Variants in SYN2 observed in about 807,000 individuals in gnomAD.
SYN2 encodes synapsin II, also known as synapsin-2.
A neutral mutation model predicts 50.9 loss-of-function variants in SYN2; 19 were observed. The observed-to-expected ratio is 0.37, with a 90% CI of 0.26 to 0.55. The LOEUF is 0.55. SYN2 is among the 20% of genes least tolerant of loss of function. SYN2 has a pLI of 0.81. For missense variants in SYN2, 587 were observed against 576.4 expected (o/e 1.02, Z -0.19); for synonymous variants, 255 against 224.9 (o/e 1.13, Z -1.20).
intron 1 of SYN2, among the ~76,000 whole-genome samples, chr3:12,085,529 T>C (rs1695683973): frequency 6.6e-6 from 1 of 151,912 alleles, no homozygotes; most frequent in African/African-American, 2.4e-5. Context: ...AGACAGAAAA[T>C]CAGTAAGGAA....
intron 11 of SYN2, among the ~76,000 whole-genome samples, chr3:12,186,581 A>C (rs962813523): frequency 6.6e-6 from 1 of 152,152 alleles, no homozygotes; most frequent in Admixed American, 6.5e-5. Context: ...GAACCCCTTG[A>C]GGATATTACT....
intron 1 of SYN2, among the ~76,000 whole-genome samples, chr3:12,024,691 G>C (rs1694217368): frequency 6.6e-6 from 1 of 152,130 alleles, no homozygotes; most frequent in Non-Finnish European, 1.5e-5. Context: ...CTGCTATAAT[G>C]GATACTTAAG....
At chr3:12,044,181 T>TCTCTCTCTCACACACACA (rs573246278) in intron 1 of SYN2, among the ~76,000 whole-genome samples, 56 of 53,386 alleles carry the variant, frequency 1.0e-3, no homozygotes, top group Middle Eastern at 0.015. Context: ...TCTCTCTCTC[T>TCTCTCTCTCACACACACA]CACACACACA....
chr3:12,113,671 C>G (rs1007324315), intron 1 of SYN2, among the ~76,000 whole-genome samples: 1 of 152,104 alleles, frequency 6.6e-6, no homozygotes, highest in Non-Finnish European at 1.5e-5. Context: ...TTAACTTATT[C>G]TAATATTTAA....
chr3:12,007,473 C>T (rs1231012254), intron 1 of SYN2, among the ~76,000 whole-genome samples: 1 of 152,080 alleles, frequency 6.6e-6, no homozygotes, highest in South Asian at 2.1e-4. Flanking sequence ...GGAGCAGGTG[C>T]TTGCCGTGAC....
intron 1 of SYN2, chr3:12,071,249 C>CT (rs1277077590): frequency 1.4e-5 from 8 of 555,380 alleles, no homozygotes; most frequent in Non-Finnish European, 2.9e-5. Context: ...CGCAAGTACT[C>CT]TGTGTGGATC....
At chr3:12,139,175 A>T (rs1363889348) in intron 1 of SYN2, among the ~76,000 whole-genome samples, 1 of 152,130 alleles carries the variant, frequency 6.6e-6, no homozygotes, top group Non-Finnish European at 1.5e-5. Context: ...AGGGACTTGG[A>T]TAGGACAAAT....
rs1254983877 is a variant in SYN2 at position 12,004,869 on chromosome 3, G to T, written c.318G>T (p.Ala106=). Reference sequence around the variant, plus strand: ...GCCTGGTGGACGCGCCCGCTCCCGCGCCCGCAGCCGCCAGGAAGGCCAAGG... The same window carrying T: ...GCCTGGTGGACGCGCCCGCTCCCGCTCCCGCAGCCGCCAGGAAGGCCAAGG... ...SAGLVDAPAP[A]PAAARKAKVL... is the part of the protein sequence containing the mutation. The change falls in exon 1 of 13, where the codon GCG becomes GCT. Residue 106 remains alanine, a synonymous_variant. Transcript: ENST00000621198. 1 of 569,484 alleles carries T rather than the reference G, an allele frequency of 1.8e-6. No homozygotes were observed. The highest frequency in any genetic ancestry group is 3.1e-6 in the Non-Finnish European group (1 of 318,312). The allele number at this position is 569,484 out of a possible 1,614,324, so 35.3% of individuals were successfully genotyped here.
At chr3:12,065,386 A>G (rs947178974) in intron 1 of SYN2, among the ~76,000 whole-genome samples, 4 of 152,164 alleles carry the variant, frequency 2.6e-5, no homozygotes, top group African/African-American at 7.2e-5. Flanking sequence ...TTGTTCTACC[A>G]AAAAAACACA....
intron 1 of SYN2, among the ~76,000 whole-genome samples, chr3:12,057,786 GA>G (rs1226774514): frequency 6.6e-6 from 1 of 152,064 alleles, no homozygotes; most frequent in African/African-American, 2.4e-5. Context: ...AAGATTTTAT[GA>G]AAAAATATAG....
intron 1 of SYN2, among the ~76,000 whole-genome samples, chr3:12,094,009 A>G (rs1443651917): frequency 1.3e-5 from 2 of 152,048 alleles, no homozygotes; most frequent in Non-Finnish European, 2.9e-5. Context: ...GGCACATGCC[A>G]CCACGCCCAG....
At chr3:12,106,902 G>A (rs558630291) in intron 1 of SYN2, among the ~76,000 whole-genome samples, 23 of 152,036 alleles carry the variant, frequency 1.5e-4, no homozygotes, top group Middle Eastern at 6.8e-3. Context: ...GGAATTTTGC[G>A]AATTGCTGAT....
chr3:12,048,314 T>G (rs1200474750), intron 1 of SYN2, among the ~76,000 whole-genome samples: 1 of 152,088 alleles, frequency 6.6e-6, no homozygotes, highest in African/African-American at 2.4e-5. Context: ...ACGACGGGTG[T>G]GCACCACCAT....
At chr3:12,016,729 A>C (rs1247013752) in intron 1 of SYN2, among the ~76,000 whole-genome samples, 5 of 152,182 alleles carry the variant, frequency 3.3e-5, no homozygotes, top group East Asian at 1.9e-4. Flanking sequence ...GGTGGTGGGC[A>C]CTTGTAATCC....
In SYN2 at chr3:12,140,717, C is replaced by A; in HGVS notation, c.435+9C>A. On this transcript the variant is annotated intron_variant, in intron 2 of 12. Transcript: ENST00000621198. ...ATATCAAGGTGGAACAGGTAATCAG[C>A]CTGAAGCCCAGAGCTGCATCCCCGT... The A allele has an allele frequency of 1.3e-6, 1 of 755,042 alleles. No individual in the cohort carries two copies. Among genetic ancestry groups the A allele is most frequent in the Admixed American group, 1.8e-5 (1 of 55,212 alleles). The allele number at this position is 755,042 out of a possible 1,614,324, so 46.8% of individuals were successfully genotyped here. A position where few individuals can be genotyped will look rare whatever the true frequency, so the allele number is the denominator to read the frequency against.
intron 1 of SYN2, among the ~76,000 whole-genome samples, chr3:12,132,231 T>C (rs1030355850): frequency 3.9e-5 from 6 of 152,126 alleles, no homozygotes; most frequent in African/African-American, 1.2e-4. Context: ...AAACATTTCA[T>C]GTGTCAAACA....
At chr3:12,066,075 A>G (rs1695211545) in intron 1 of SYN2, among the ~76,000 whole-genome samples, 1 of 152,168 alleles carries the variant, frequency 6.6e-6, no homozygotes, top group South Asian at 2.1e-4. Flanking sequence ...AGTGGTAAAT[A>G]TACTAAACCC....
chr3:12,165,999 G>A (rs961530043), intron 7 of SYN2, among the ~76,000 whole-genome samples: 1 of 152,100 alleles, frequency 6.6e-6, no homozygotes, highest in Non-Finnish European at 1.5e-5. Flanking sequence ...TGTCAAGCAG[G>A]GGCAAGAATT....
At position 12,145,740 on chromosome 3, in the gene SYN2, G is replaced by A. The variant is rs753067470; in HGVS notation, c.589G>A (p.Asp197Asn). Residue 197 changes from aspartate (D) to asparagine (N), a missense_variant, in exon 4 of 13, where the codon GAC becomes AAC. Transcript: ENST00000621198. ...QHAFGMAENEDFRHLIIGMQY... is the reference protein window; with the variant it reads ...QHAFGMAENENFRHLIIGMQY... ...TGCATTTGGCATGGCGGAGAATGAGGACTTCCGCCACCTGATCATTGGTAT... is the reference window on the plus strand; with the variant it reads ...TGCATTTGGCATGGCGGAGAATGAGAACTTCCGCCACCTGATCATTGGTAT... The A allele has an allele frequency of 6.2e-7, 1 of 1,614,036 alleles. No individual in the cohort carries two copies. The highest frequency in any genetic ancestry group is 8.5e-7 in the Non-Finnish European group (1 of 1,179,896).
Sources: gnomAD v4.1 joint callset for allele counts (sites outside exome capture counted in the v4.1 genomes callset) on GRCh38, gnomAD v4.1.1 for gene constraint, MANE v1.5 for transcripts, NCBI Gene and HGNC (gene_info 2026-07-23, HGNC 2026-07-21) for gene names.